Variants in TMEM178B observed in about 807,000 individuals in gnomAD.
TMEM178B encodes transmembrane protein 178B.
TMEM178B carries 5 observed loss-of-function variants against 31.0 expected under a neutral mutation model. The observed-to-expected ratio is 0.16, with a 90% CI of 0.08 to 0.34. TMEM178B has a LOEUF of 0.34. TMEM178B is among the 10% of genes least tolerant of loss of function. The pLI, the probability that TMEM178B is intolerant of heterozygous loss-of-function variation, is 1.00. For synonymous variants in TMEM178B, 164 were observed against 164.0 expected (o/e 1.00, Z 0.00); for missense variants, 275 against 400.3 (o/e 0.69, Z 2.67).
intron 2 of TMEM178B, among the ~76,000 whole-genome samples, chr7:141,246,903 G>A (rs1025016551): frequency 2.6e-5 from 4 of 152,118 alleles, no homozygotes; most frequent in Admixed American, 2.6e-4. Context: ...CCATTACCAA[G>A]CATTCCTTCT....
chr7:141,438,696 TAAAAAAAAAAAAA>T (rs869132131), intron 3 of TMEM178B, among the ~76,000 whole-genome samples: 4 of 28,990 alleles, frequency 1.4e-4, no homozygotes, highest in Middle Eastern at 0.036. Context: ...CCGTCTCTAC[TAAAAAAAAAAAAA>T]AAAAAAAAAA....
chr7:141,251,030 A>C (rs912766218), intron 2 of TMEM178B, among the ~76,000 whole-genome samples: 1 of 152,046 alleles, frequency 6.6e-6, no homozygotes, highest in Admixed American at 6.6e-5. Flanking sequence ...AGGGTCAGCT[A>C]TGCTCCAATG....
At chr7:141,381,049 A>G (rs1018384770) in intron 2 of TMEM178B, among the ~76,000 whole-genome samples, 3 of 152,204 alleles carry the variant, frequency 2.0e-5, no homozygotes, top group Non-Finnish European at 2.9e-5. Flanking sequence ...CCTACACAGC[A>G]TATTTTGTAT....
the TMEM178B span, among the ~76,000 whole-genome samples, chr7:141,509,466 A>T: frequency 7.2e-5 from 11 of 152,168 alleles, no homozygotes; most frequent in African/African-American, 2.7e-4. Flanking sequence ...CCTGGCCAAC[A>T]TGGCAAAACC....
intron 2 of TMEM178B, among the ~76,000 whole-genome samples, chr7:141,346,710 G>C (rs1030350019): frequency 7.9e-5 from 12 of 152,026 alleles, no homozygotes; most frequent in African/African-American, 2.7e-4. Flanking sequence ...AGAGAAGAAA[G>C]AAAGAGCCAC....
intron 2 of TMEM178B, among the ~76,000 whole-genome samples, chr7:141,354,213 T>G (rs1309000394): frequency 6.6e-6 from 1 of 152,222 alleles, no homozygotes; most frequent in East Asian, 1.9e-4. Flanking sequence ...ATATATATGA[T>G]TTGAGTATGA....
At chr7:141,300,146 C>T (rs920384332) in intron 2 of TMEM178B, among the ~76,000 whole-genome samples, 1 of 152,088 alleles carries the variant, frequency 6.6e-6, no homozygotes, top group Non-Finnish European at 1.5e-5. Context: ...AATTACAATC[C>T]ACATTTGTTC....
intron 2 of TMEM178B, among the ~76,000 whole-genome samples, chr7:141,259,061 T>A (rs1797973657): frequency 6.6e-6 from 1 of 152,214 alleles, no homozygotes; most frequent in African/African-American, 2.4e-5. Context: ...TCTGTTCCTG[T>A]CTCTCTCTTC....
At chr7:141,113,810 A>G (rs970521120) in intron 1 of TMEM178B, among the ~76,000 whole-genome samples, 3 of 152,156 alleles carry the variant, frequency 2.0e-5, no homozygotes, top group Admixed American at 6.5e-5. Context: ...TGAGGACAAC[A>G]TTTTATTTGG....
intron 1 of TMEM178B, among the ~76,000 whole-genome samples, chr7:141,177,337 G>A (rs968251931): frequency 6.6e-5 from 10 of 152,026 alleles, no homozygotes; most frequent in Admixed American, 2.6e-4. Context: ...GTTCTTTTGC[G>A]TTTGCTGAGG....
chr7:141,219,083 A>G (rs577064761), intron 2 of TMEM178B, among the ~76,000 whole-genome samples: 2 of 152,326 alleles, frequency 1.3e-5, no homozygotes, highest in Non-Finnish European at 2.9e-5. Context: ...CTTTTTGTTC[A>G]GTCAGCTGTA....
intron 2 of TMEM178B, among the ~76,000 whole-genome samples, chr7:141,268,337 G>A (rs1798126713): frequency 6.6e-6 from 1 of 152,150 alleles, no homozygotes; most frequent in Admixed American, 6.5e-5. Flanking sequence ...AAAAGCTTAT[G>A]GGAAAAATGC....
At chr7:141,180,929 A>G (rs1796517447) in intron 1 of TMEM178B, among the ~76,000 whole-genome samples, 1 of 152,166 alleles carries the variant, frequency 6.6e-6, no homozygotes, top group Non-Finnish European at 1.5e-5. Context: ...CATTTAAAAA[A>G]GGCTCCATGT....
chr7:141,101,036 C>T (rs926690845), intron 1 of TMEM178B, among the ~76,000 whole-genome samples: 1 of 152,202 alleles, frequency 6.6e-6, no homozygotes, highest in African/African-American at 2.4e-5. Flanking sequence ...TATTACACCA[C>T]TCCCTGGATC....
the TMEM178B span, among the ~76,000 whole-genome samples, chr7:141,500,629 G>A: frequency 6.6e-6 from 1 of 152,074 alleles, no homozygotes; most frequent in African/African-American, 2.4e-5. Flanking sequence ...TGTTTTTCCT[G>A]TGGGCCATTT....
chr7:141,470,882 C>A lies in TMEM178B; in HGVS notation c.*96C>A. On this transcript the variant is annotated 3_prime_UTR_variant, in exon 4 of 4. Coordinates refer to ENST00000565468, the MANE Select transcript of TMEM178B (RefSeq NM_001195278.2). ...AACTAAATCAAGACGATGCCAGTGC[C>A]AAGGTAGAGTTGAGTTGGCTCAGGC... is the stretch of plus-strand genomic sequence containing the variant. The A allele has an allele frequency of 1.3e-6, 1 of 777,912 alleles. No homozygotes were observed. The highest frequency in any genetic ancestry group is 1.6e-6 in the Non-Finnish European group (1 of 624,000). 48.2% of individuals were successfully genotyped at this position (777,912 alleles called of 1,614,324 possible). A position where few individuals can be genotyped will look rare whatever the true frequency, so the allele number is the denominator to read the frequency against.
At chr7:141,298,076 G>A (rs950630336) in intron 2 of TMEM178B, among the ~76,000 whole-genome samples, 2 of 152,166 alleles carry the variant, frequency 1.3e-5, no homozygotes, top group African/African-American at 4.8e-5. Flanking sequence ...GTATCTCATT[G>A]TGGTTTTGAT....
intron 3 of TMEM178B, among the ~76,000 whole-genome samples, chr7:141,454,235 G>A (rs923168017): frequency 2.0e-5 from 3 of 152,184 alleles, no homozygotes; most frequent in African/African-American, 7.2e-5. Context: ...GCATGGCTAA[G>A]GGAAGTGGGG....
chr7:141,201,034 A>C (rs889389022), intron 1 of TMEM178B, among the ~76,000 whole-genome samples: 1 of 152,158 alleles, frequency 6.6e-6, no homozygotes, highest in Admixed American at 6.5e-5. Context: ...GAACAAATAG[A>C]AGATCCTACA....
Sources: allele counts gnomAD v4.1 joint callset (sites outside exome capture counted in the v4.1 genomes callset), GRCh38; gene constraint gnomAD v4.1.1; transcripts MANE v1.5; gene names NCBI Gene and HGNC (gene_info 2026-07-23, HGNC 2026-07-21).